IMPACT: variants seen among roughly 807,000 people sequenced by gnomAD.
The protein encoded by IMPACT is impact RWD domain protein, also known as protein IMPACT.
Under a neutral mutation model 47.5 loss-of-function variants are expected in IMPACT, and 35 were observed. The observed-to-expected ratio is 0.74, with a 90% CI of 0.56 to 0.98. The LOEUF (loss-of-function observed/expected upper bound fraction) is 0.98, where lower values mean the gene tolerates loss of function less well. Ranked by LOEUF, IMPACT falls within the 50% of genes least tolerant of loss-of-function variation. The pLI, the probability that IMPACT is intolerant of heterozygous loss-of-function variation, is 0.00. For missense variants in IMPACT, 373 were observed against 394.8 expected (o/e 0.94, Z 0.47); for synonymous variants, 118 against 125.6 (o/e 0.94, Z 0.40).
At chr18:24,450,296 A>G (rs572911961) in intron 10 of IMPACT, among the ~76,000 whole-genome samples, 1 of 152,230 alleles carries the variant, frequency 6.6e-6, no homozygotes, top group African/African-American at 2.4e-5. Flanking sequence ...AGCTGATATC[A>G]CATCAGACTA....
chr18:24,430,240 AATTT>A (rs1331052507), intron 3 of IMPACT, 78 bp from the exon 4 acceptor site: 6 of 977,894 alleles, frequency 6.1e-6, no homozygotes, highest in Non-Finnish European at 9.0e-6. Context: ...AAGCCAAAAA[AATTT>A]ATTTGTGATG....
chr18:24,448,022 C>A, intron 8 of IMPACT, 71 bp from the exon 9 acceptor site: 1 of 864,872 alleles, frequency 1.2e-6, no homozygotes, highest in Non-Finnish European at 1.9e-6. Context: ...AAAATGATCA[C>A]AAATGTTGAG....
intron 4 of IMPACT, among the ~76,000 whole-genome samples, chr18:24,433,184 CTTTTTTTT>C (rs35543338): frequency 4.9e-5 from 4 of 81,100 alleles, no homozygotes; most frequent in Non-Finnish European, 6.3e-5. Flanking sequence ...ACTTTTAAAA[CTTTTTTTT>C]TTTTTTTTTT....
rs12326723 is a variant in IMPACT, at chr18:24,430,260, T to A, written c.219-62T>A. Reference sequence around the variant, plus strand: ...AAAAAAATTTATTTGTGATGTAATCTGTAATTTGAGGTATAAACATAATCC... The same window carrying A: ...AAAAAAATTTATTTGTGATGTAATCAGTAATTTGAGGTATAAACATAATCC... On this transcript the variant is annotated intron_variant, in intron 3 of 10. Transcript: ENST00000284202. The A allele has an allele frequency of 0.013, 15,159 of 1,127,058 alleles. 1,429 individuals are homozygous for A. In the African/African-American group the frequency reaches 0.21, roughly 16 times the overall value. The allele number at this position is 1,127,058 out of a possible 1,614,324, so 69.8% of individuals were successfully genotyped here.
At chr18:24,442,281 G>A (rs899106607) in intron 6 of IMPACT, among the ~76,000 whole-genome samples, 3 of 151,492 alleles carry the variant, frequency 2.0e-5, no homozygotes, top group African/African-American at 7.3e-5. Flanking sequence ...AGCCTCCCGA[G>A]TAGCTGGAAT....
chr18:24,431,660 G>T (rs540267688), intron 4 of IMPACT, among the ~76,000 whole-genome samples: 1 of 151,112 alleles, frequency 6.6e-6, no homozygotes, highest in African/African-American at 2.4e-5. Context: ...CTATAGATAC[G>T]TGCCACCGTG....
chr18:24,429,585 C>T (rs117569985), intron 3 of IMPACT: 2 of 143,114 alleles, frequency 1.4e-5, no homozygotes, highest in East Asian at 4.8e-4. Flanking sequence ...TCTTCACTCC[C>T]ACTGCTTCAC....
At chr18:24,450,173 A>G (rs1909347599) in intron 10 of IMPACT, among the ~76,000 whole-genome samples, 1 of 152,044 alleles carries the variant, frequency 6.6e-6, no homozygotes, top group Admixed American at 6.6e-5. Context: ...CATAGGACAG[A>G]CCACTTCATC....
At chr18:24,441,335 G>A (rs1241599622) in intron 6 of IMPACT, among the ~76,000 whole-genome samples, 1 of 152,166 alleles carries the variant, frequency 6.6e-6, no homozygotes, top group African/African-American at 2.4e-5. Flanking sequence ...TGGGATTACT[G>A]GCACATGCCA....
chr18:24,451,104 T>A lies in IMPACT; in HGVS notation c.*257T>A. The A allele has an allele frequency of 3.3e-6, 1 of 301,124 alleles. No individual in the cohort carries two copies. Among genetic ancestry groups the A allele is most frequent in the Non-Finnish European group, 6.2e-6 (1 of 162,056 alleles). 18.7% of individuals were successfully genotyped at this position (301,124 alleles called of 1,614,324 possible). ...ACCACTTCATCTAATTTTAGCAAGGTAACAGTTGCCCAGGGCAGTACCTGA... is the reference window on the plus strand; with the variant it reads ...ACCACTTCATCTAATTTTAGCAAGGAAACAGTTGCCCAGGGCAGTACCTGA... On this transcript the variant is annotated 3_prime_UTR_variant, in exon 11 of 11. Transcript: ENST00000284202.
rs1298632893 is a variant in IMPACT, at chr18:24,451,527, T to C, written c.*680T>C. 2 of 152,236 alleles carry C rather than the reference T, an allele frequency of 1.3e-5. No homozygotes were observed. The highest frequency in any genetic ancestry group is 4.8e-5 in the African/African-American group (2 of 41,462). 9.4% of individuals were successfully genotyped at this position (152,236 alleles called of 1,614,324 possible). ...TACAGAAAGTGATTTTCTAGTCTGC[T>C]TTTTTTGTTTAATTCTTGTAATGTA... On this transcript the variant is annotated 3_prime_UTR_variant, in exon 11 of 11. Coordinates refer to ENST00000284202, the MANE Select transcript of IMPACT (RefSeq NM_018439.4).
At position 24,448,164 on chromosome 18, in the gene IMPACT, G is replaced by GT. The variant is rs778142176; in HGVS notation, c.741dup (p.Leu248SerfsTer32). 6.2e-7 allele frequency: 1 copy of GT among 1,612,520 alleles called. No homozygotes were observed. The highest frequency in any genetic ancestry group is 8.5e-7 in the Non-Finnish European group (1 of 1,178,694). Reference sequence around the variant, plus strand: ...GATGGGGAAACAGCAGCTGGTGGGCGTCTTCTTCATCTCATGGAGGTAGGT... The same window carrying GT: ...GATGGGGAAACAGCAGCTGGTGGGCGTTCTTCTTCATCTCATGGAGGTAGGT... On this transcript the variant is annotated frameshift_variant, in exon 9 of 11. Transcript: ENST00000284202. LOFTEE classifies it high-confidence loss of function.
intron 8 of IMPACT, among the ~76,000 whole-genome samples, chr18:24,445,718 A>G (rs1321701800): frequency 6.6e-6 from 1 of 152,126 alleles, no homozygotes; most frequent in Non-Finnish European, 1.5e-5. Flanking sequence ...ATTTTTCCCA[A>G]TGCTTTATTT....
intron 7 of IMPACT, among the ~76,000 whole-genome samples, chr18:24,444,509 C>G (rs543214591): frequency 6.6e-6 from 1 of 152,298 alleles, no homozygotes; most frequent in South Asian, 2.1e-4. Context: ...TCTTATCCAC[C>G]TTCACACATG....
intron 9 of IMPACT, among the ~76,000 whole-genome samples, chr18:24,449,615 C>T (rs1037510919): frequency 3.2e-4 from 49 of 152,126 alleles, no homozygotes; most frequent in African/African-American, 1.1e-3. Flanking sequence ...GATGGTTTTC[C>T]AGATTCCCTT....
intron 7 of IMPACT, among the ~76,000 whole-genome samples, chr18:24,444,107 A>C (rs1568089276): frequency 1.3e-5 from 2 of 152,288 alleles, no homozygotes; most frequent in East Asian, 3.9e-4. Flanking sequence ...CAAGATCATA[A>C]CTTTTGGTGC....
chr18:24,445,563 C>T (rs571668965), intron 8 of IMPACT, 97 bp downstream of exon 8: 1 of 658,724 alleles, frequency 1.5e-6, no homozygotes, highest in South Asian at 2.9e-5. Flanking sequence ...TGTATTTTTT[C>T]CATTGTAATA....
At position 24,452,271 on chromosome 18, in the gene IMPACT, T is replaced by A. The variant is rs1380973845; in HGVS notation, c.*1424T>A. 1 of 152,216 alleles carries A rather than the reference T, an allele frequency of 6.6e-6. No homozygotes were observed. The highest frequency in any genetic ancestry group is 1.5e-5 in the Non-Finnish European group (1 of 68,024). The allele number at this position is 152,216 out of a possible 1,614,324, so 9.4% of individuals were successfully genotyped here. On this transcript the variant is annotated 3_prime_UTR_variant, in exon 11 of 11. Transcript: ENST00000284202. Reference sequence around the variant, plus strand: ...AGGATGGATTCTGAAATATAAATTCTAAATTATATTTGTTATAACTATATT... The same window carrying A: ...AGGATGGATTCTGAAATATAAATTCAAAATTATATTTGTTATAACTATATT...
intron 1 of IMPACT, 50 bp from the exon 2 acceptor site, chr18:24,427,869 A>G (rs777559162): frequency 6.5e-7 from 1 of 1,534,912 alleles, no homozygotes; most frequent in South Asian, 1.2e-5. Context: ...TAAGAATAGG[A>G]TTTTAAGATG....
Sources: allele counts gnomAD v4.1 joint callset (sites outside exome capture counted in the v4.1 genomes callset), GRCh38; gene constraint gnomAD v4.1.1; transcripts MANE v1.5; gene names NCBI Gene and HGNC (gene_info 2026-07-23, HGNC 2026-07-21).